Variants in CSMD1 observed in about 807,000 individuals in gnomAD.
CSMD1 encodes CUB and sushi domain-containing protein 1.
CSMD1 carries 213 observed loss-of-function variants against 417.5 expected under a neutral mutation model. That is an observed-to-expected ratio of 0.51 (90% CI 0.46 to 0.57). CSMD1 has a LOEUF of 0.57. Ranked by LOEUF, CSMD1 falls within the 20% of genes least tolerant of loss-of-function variation. The pLI is 0.00. For synonymous variants in CSMD1, 2,862 were observed against 1,736.8 expected (o/e 1.65, Z -16.11); for missense variants, 6,923 against 4,529.7 (o/e 1.53, Z -15.17).
intron 65 of CSMD1, among the ~76,000 whole-genome samples, chr8:2,951,638 T>C (rs923989802): frequency 2.6e-5 from 4 of 152,156 alleles, no homozygotes; most frequent in East Asian, 1.9e-4. Context: ...ACCTGACCCA[T>C]GAAATCACTA....
intron 5 of CSMD1, among the ~76,000 whole-genome samples, chr8:3,958,634 T>C (rs867584932): frequency 5.5e-4 from 83 of 152,290 alleles, no homozygotes; most frequent in African/African-American, 2.0e-3. Context: ...GTCCACCACA[T>C]ATTGTAAAAT....
At chr8:3,298,768 A>G (rs563726836) in intron 25 of CSMD1, among the ~76,000 whole-genome samples, 1 of 152,142 alleles carries the variant, frequency 6.6e-6, no homozygotes, top group South Asian at 2.1e-4. Flanking sequence ...TCTTTTACAT[A>G]AAATTCAAAT....
At chr8:3,684,877 T>C (rs559673600) in intron 7 of CSMD1, among the ~76,000 whole-genome samples, 3 of 152,294 alleles carry the variant, frequency 2.0e-5, no homozygotes, top group East Asian at 1.9e-4. Context: ...ACATACTTTA[T>C]TGCAGTTCTA....
At chr8:3,159,272 G>A (rs924777391) in intron 38 of CSMD1, among the ~76,000 whole-genome samples, 6 of 152,114 alleles carry the variant, frequency 3.9e-5, no homozygotes, top group South Asian at 2.1e-4. Context: ...AAACGTTTCC[G>A]ATGAGCGATT....
chr8:3,736,721 C>G (rs192758296), intron 6 of CSMD1, among the ~76,000 whole-genome samples: 4 of 152,228 alleles, frequency 2.6e-5, no homozygotes, highest in South Asian at 2.1e-4. Flanking sequence ...CTGCTTCACA[C>G]TGCCTGGCTT....
At chr8:4,028,704 A>G (rs1299631030) in intron 4 of CSMD1, among the ~76,000 whole-genome samples, 1 of 152,130 alleles carries the variant, frequency 6.6e-6, no homozygotes, top group Non-Finnish European at 1.5e-5. Flanking sequence ...TTAAAACTCT[A>G]TTTCTTTACC....
chr8:4,286,803 A>G (rs984417496), intron 3 of CSMD1, among the ~76,000 whole-genome samples: 5 of 152,190 alleles, frequency 3.3e-5, no homozygotes, highest in Non-Finnish European at 5.9e-5. Context: ...GTTTCCTAGA[A>G]AACCAAAAGT....
chr8:4,520,312 G>A (rs943430985), intron 2 of CSMD1, among the ~76,000 whole-genome samples: 3 of 152,136 alleles, frequency 2.0e-5, no homozygotes, highest in African/African-American at 7.2e-5. Flanking sequence ...GACTAATGTA[G>A]AACATTTGCT....
intron 2 of CSMD1, among the ~76,000 whole-genome samples, chr8:4,612,015 C>G (rs1415866130): frequency 6.6e-6 from 1 of 151,946 alleles, no homozygotes; most frequent in Non-Finnish European, 1.5e-5. Context: ...AAATTTTAAC[C>G]ATCTAATTGG....
At chr8:3,391,909 T>C (rs951917122) in intron 17 of CSMD1, among the ~76,000 whole-genome samples, 4 of 152,082 alleles carry the variant, frequency 2.6e-5, no homozygotes, top group Non-Finnish European at 4.4e-5. Context: ...AGATGAGCAA[T>C]ATTCCTGTTT....
intron 37 of CSMD1, among the ~76,000 whole-genome samples, chr8:3,179,639 C>A (rs1046786041): frequency 6.6e-6 from 1 of 152,040 alleles, no homozygotes; most frequent in African/African-American, 2.4e-5. Context: ...GAATAAAAAC[C>A]CAGATGCTAC....
At chr8:3,815,808 G>A (rs554740394) in intron 5 of CSMD1, among the ~76,000 whole-genome samples, 1 of 152,038 alleles carries the variant, frequency 6.6e-6, no homozygotes, top group Non-Finnish European at 1.5e-5. Flanking sequence ...AACGGGCCTA[G>A]AAAGTCTAAA....
chr8:3,174,572 CTA>C (rs1176252134), intron 37 of CSMD1, among the ~76,000 whole-genome samples: 1 of 152,324 alleles, frequency 6.6e-6, no homozygotes, highest in Admixed American at 6.5e-5. Context: ...TTTTAAAAGA[CTA>C]TATTCTCACA....
chr8:3,735,374 T>C (rs989939982), intron 6 of CSMD1, among the ~76,000 whole-genome samples: 2 of 152,142 alleles, frequency 1.3e-5, no homozygotes, highest in African/African-American at 4.8e-5. Context: ...AGACTTTTAA[T>C]CCTGGAAGTT....
intron 3 of CSMD1, among the ~76,000 whole-genome samples, chr8:4,339,119 A>T (rs1800336232): frequency 6.6e-6 from 1 of 152,122 alleles, no homozygotes; most frequent in Admixed American, 6.6e-5. Context: ...TCTCTGAGGC[A>T]GAAATATATT....
chr8:4,421,518 T>C (rs188898155), intron 2 of CSMD1, among the ~76,000 whole-genome samples: 41 of 151,758 alleles, frequency 2.7e-4, no homozygotes, highest in African/African-American at 9.7e-4. Flanking sequence ...AAATTAGAAA[T>C]CAGTAAGATA....
intron 5 of CSMD1, among the ~76,000 whole-genome samples, chr8:3,962,195 T>C (rs1812376110): frequency 6.6e-6 from 1 of 152,148 alleles, no homozygotes; most frequent in African/African-American, 2.4e-5. Flanking sequence ...ATATACCACA[T>C]TCCAGAATGG....
At chr8:4,339,720 G>C (rs1418837257) in intron 3 of CSMD1, among the ~76,000 whole-genome samples, 1 of 152,032 alleles carries the variant, frequency 6.6e-6, no homozygotes, top group Non-Finnish European at 1.5e-5. Flanking sequence ...AAATGAAAGA[G>C]GACGGTATAC....
chr8:4,786,006 A>G (rs1384805650), intron 1 of CSMD1, among the ~76,000 whole-genome samples: 5 of 152,248 alleles, frequency 3.3e-5, no homozygotes. Flanking sequence ...CAGCTTACCC[A>G]GCAGTGGCTG....
Sources: gnomAD v4.1 joint callset for allele counts (sites outside exome capture counted in the v4.1 genomes callset) on GRCh38, gnomAD v4.1.1 for gene constraint, MANE v1.5 for transcripts, NCBI Gene and HGNC (gene_info 2026-07-23, HGNC 2026-07-21) for gene names.